HYLS1: variants seen among roughly 807,000 people sequenced by gnomAD.
HYLS1 encodes centriolar and ciliogenesis-associated protein HYLS1.
HYLS1 carries 25 observed loss-of-function variants against 29.4 expected under a neutral mutation model. The observed-to-expected ratio is 0.85, with a 90% CI of 0.62 to 1.19. The LOEUF (loss-of-function observed/expected upper bound fraction) is 1.19, where lower values mean the gene tolerates loss of function less well. HYLS1 is among the 50% of genes most tolerant of loss of function. The pLI, the probability that HYLS1 is intolerant of heterozygous loss-of-function variation, is 0.00. For missense variants in HYLS1, 352 were observed against 365.1 expected (o/e 0.96, Z 0.29); for synonymous variants, 128 against 126.7 (o/e 1.01, Z -0.07).
At chr11:125,897,452 A>G (rs938156951) in intron 2 of HYLS1, among the ~76,000 whole-genome samples, 1 of 152,030 alleles carries the variant, frequency 6.6e-6, no homozygotes, top group African/African-American at 2.4e-5. Context: ...AGAAAAAAAT[A>G]AGTGATGGTA....
chr11:125,884,017 G>C (rs1395411143), upstream of HYLS1: 3 of 152,182 alleles, frequency 2.0e-5, no homozygotes, highest in Admixed American at 1.3e-4. Context: ...GCAATCAAAA[G>C]GTAAGGAAGC....
chr11:125,884,375 C>T (rs558925426), upstream of HYLS1, among the ~76,000 whole-genome samples: 5 of 146,062 alleles, frequency 3.4e-5, no homozygotes, highest in South Asian at 8.8e-4. Flanking sequence ...TTTGGGAGGC[C>T]GAGGTGGGCG....
At position 125,900,400 on chromosome 11, in the gene HYLS1, C is replaced by T. The variant is rs1944735690; in HGVS notation, c.*132C>T. The T allele has an allele frequency of 3.7e-6, 3 of 813,900 alleles. No individual in the cohort carries two copies. The Admixed American group carries it at 7.0e-5, about 19-fold the overall frequency. 50.4% of individuals were successfully genotyped at this position (813,900 alleles called of 1,614,324 possible). On this transcript the variant is annotated 3_prime_UTR_variant, in exon 3 of 3. Coordinates refer to ENST00000425380, the MANE Select transcript of HYLS1 (RefSeq NM_001134793.2). ...GGTAAGGACTTCACCTATCATTGGT[C>T]TTTCCTAGCTATATATCACATTGGT...
At chr11:125,885,042 C>G (rs1944282852), upstream of HYLS1, among the ~76,000 whole-genome samples, 1 of 152,034 alleles carries the variant, frequency 6.6e-6, no homozygotes, top group Non-Finnish European at 1.5e-5. Flanking sequence ...ACAAAAAAAC[C>G]AGGGTTGGGT....
chr11:125,900,443 A>G lies in HYLS1; in HGVS notation c.*175A>G, dbSNP rs554176314. 9.6e-6 allele frequency: 6 copies of G among 625,876 alleles called. No individual in the cohort carries two copies. In the African/African-American group the frequency reaches 1.1e-4, roughly 12 times the overall value. The allele number at this position is 625,876 out of a possible 1,614,324, so 38.8% of individuals were successfully genotyped here. A position where few individuals can be genotyped will look rare whatever the true frequency, so the allele number is the denominator to read the frequency against. On this transcript the variant is annotated 3_prime_UTR_variant, in exon 3 of 3. Coordinates refer to ENST00000425380, the MANE Select transcript of HYLS1 (RefSeq NM_001134793.2). Reference sequence around the variant, plus strand: ...ACATTGGTATCAGATGATACTTCCAAATTGCCACTCAAATCCAGCAATTGC... The same window carrying G: ...ACATTGGTATCAGATGATACTTCCAGATTGCCACTCAAATCCAGCAATTGC...
At chr11:125,895,969 T>A (rs766453289) in intron 2 of HYLS1, 1 of 1,614,240 alleles carries the variant, frequency 6.2e-7, no homozygotes, top group South Asian at 1.1e-5. Context: ...GATGTCTGTC[T>A]GCTTTCTACT....
intron 2 of HYLS1, among the ~76,000 whole-genome samples, chr11:125,897,969 T>A (rs1206747022): frequency 6.6e-6 from 1 of 152,212 alleles, no homozygotes; most frequent in Non-Finnish European, 1.5e-5. Context: ...ACTAAATTTA[T>A]GATACATTCA....
intron 2 of HYLS1, 82 bp from the exon 3 acceptor site, chr11:125,899,262 C>T: frequency 1.1e-6 from 1 of 937,384 alleles, no homozygotes; most frequent in Non-Finnish European, 1.7e-6. Context: ...CATTTGACTG[C>T]TATAAAACGG....
chr11:125,888,079 A>C (rs1040765092), intron 1 of HYLS1: 3 of 152,256 alleles, frequency 2.0e-5, no homozygotes, highest in Non-Finnish European at 4.4e-5. Context: ...CCCTGGGACC[A>C]GGCGGAGGCC....
intron 1 of HYLS1, among the ~76,000 whole-genome samples, chr11:125,890,242 G>C (rs117673634): frequency 6.6e-6 from 1 of 152,020 alleles, no homozygotes; most frequent in South Asian, 2.1e-4. Flanking sequence ...ACTGCGCCCA[G>C]CTGTTTGTTA....
chr11:125,896,128 G>T (rs200048493), intron 2 of HYLS1: 1 of 1,614,002 alleles, frequency 6.2e-7, no homozygotes, highest in South Asian at 1.1e-5. Context: ...TCAAATGCAC[G>T]CTTAGTTTTT....
upstream of HYLS1, among the ~76,000 whole-genome samples, chr11:125,885,855 C>T (rs768862251): frequency 1.4e-4 from 22 of 152,214 alleles, no homozygotes; most frequent in Middle Eastern, 3.4e-3. Context: ...TTGTGAACTG[C>T]GCAAGCCAGG....
chr11:125,894,808 T>C (rs1248530680), intron 2 of HYLS1, among the ~76,000 whole-genome samples: 1 of 152,220 alleles, frequency 6.6e-6, no homozygotes, highest in African/African-American at 2.4e-5. Context: ...ATCCTAACAG[T>C]AATACCTCTT....
intron 2 of HYLS1, chr11:125,895,125 C>G: frequency 1.1e-6 from 1 of 916,702 alleles, no homozygotes; most frequent in Non-Finnish European, 1.6e-6. Context: ...CAGCTCAGTG[C>G]AACCTCCGCC....
At position 125,899,780 on chromosome 11, in the gene HYLS1, G is replaced by A. The variant is rs1260112346; in HGVS notation, c.412G>A (p.Val138Ile). 6.2e-7 allele frequency: 1 copy of A among 1,614,064 alleles called. No homozygotes were observed. Among genetic ancestry groups the A allele is most frequent in the African/African-American group, 1.3e-5 (1 of 74,924 alleles). ...LWDLRQRLMN[V>I]QFQEDKESSF... is the part of the protein sequence containing the mutation. ...GGACTTAAGACAAAGGCTGATGAAT[G>A]TACAGTTCCAGGAAGACAAGGAATC... is the stretch of plus-strand genomic sequence containing the variant. The change falls in exon 3 of 3, where the codon GTA (valine) becomes ATA (isoleucine). Residue 138 changes from valine (V) to isoleucine (I), a missense_variant. Val to Ile is a conservative substitution (Grantham distance 29). Transcript: ENST00000425380.
At chr11:125,885,638 T>C (rs746060267), upstream of HYLS1, among the ~76,000 whole-genome samples, 4 of 152,284 alleles carry the variant, frequency 2.6e-5, no homozygotes, top group Non-Finnish European at 4.4e-5. Context: ...TTTGCTCCTA[T>C]GGAAAGAAAA....
rs772477409 is a variant in HYLS1 at position 125,900,181 on chromosome 11, A to G, written c.813A>G (p.Lys271=). 1 of 1,614,210 alleles carries G rather than the reference A, an allele frequency of 6.2e-7. No individual in the cohort carries two copies. The highest frequency in any genetic ancestry group is 1.1e-5 in the South Asian group (1 of 91,082). The stretch of plus-strand genomic sequence containing the variant: ...ATTATCTAGTACCAACAGAGAAGAA[A>G]AGGTCTGCACTCCGTTGGGGTGTTC... The part of the protein sequence containing the change: ...PNNYLVPTEK[K]RSALRWGVRC... The change falls in exon 3 of 3, where the codon AAA becomes AAG. Residue 271 remains lysine, a synonymous_variant. Transcript: ENST00000425380.
chr11:125,886,804 G>C (rs987468600), upstream of HYLS1, among the ~76,000 whole-genome samples: 1 of 150,920 alleles, frequency 6.6e-6, no homozygotes, highest in African/African-American at 2.4e-5. Context: ...CCAGCTGCTC[G>C]GGAGGCTGAG....
chr11:125,893,765 T>A, intron 2 of HYLS1: 1 of 1,574,816 alleles, frequency 6.3e-7, no homozygotes, highest in Non-Finnish European at 8.6e-7. Flanking sequence ...GGTTCCTAGA[T>A]CCTGGCAAAT....
Sources: gnomAD v4.1 joint callset for allele counts (sites outside exome capture counted in the v4.1 genomes callset) on GRCh38, gnomAD v4.1.1 for gene constraint, MANE v1.5 for transcripts, NCBI Gene and HGNC (gene_info 2026-07-23, HGNC 2026-07-21) for gene names.